PREX1: variants seen among roughly 807,000 people sequenced by gnomAD.
PREX1 encodes the protein phosphatidylinositol-3,4,5-trisphosphate dependent Rac exchange factor 1, also known as phosphatidylinositol 3,4,5-trisphosphate-dependent Rac exchanger 1 protein.
A neutral mutation model predicts 198.3 loss-of-function variants in PREX1; 41 were observed. The ratio of observed to expected loss-of-function variants is 0.21; its 90% CI spans 0.16 to 0.27. The LOEUF (loss-of-function observed/expected upper bound fraction) is 0.27. PREX1 is among the 10% of genes least tolerant of loss of function. The pLI is 1.00. For synonymous variants in PREX1, 843 were observed against 887.2 expected (o/e 0.95, Z 0.89); for missense variants, 1,620 against 2,200.7 (o/e 0.74, Z 5.28).
Position 48,669,592 on chromosome 20 carries a change from G to A in PREX1, c.1666-3237C>T, listed in dbSNP as rs181602442. Among the ~76,000 whole-genome samples the A allele has an allele frequency of 2.1e-3, 324 of 152,180 alleles. 2 individuals are homozygous for A. The highest frequency in any genetic ancestry group is 7.5e-3 in the African/African-American group (310 of 41,502). On this transcript the variant is annotated intron_variant, in intron 14 of 39. Coordinates refer to ENST00000371941, the MANE Select transcript of PREX1 (RefSeq NM_020820.4). ...AGGGATGTGATGGGAGAGGGGAGGA[G>A]GGACAGAAAGAAGGGAGAAGAGAGG... is the stretch of plus-strand genomic sequence containing the variant.
chr20:48,880,981 T>TAAAA, the PREX1 span, among the ~76,000 whole-genome samples: 5 of 20,990 alleles, frequency 2.4e-4, no homozygotes, highest in African/African-American at 2.6e-4. Context: ...AAACCATTGC[T>TAAAA]AAAAAAAAAA....
In PREX1 at chr20:48,734,534, G is replaced by A. The variant is rs376838231; in HGVS notation, c.519+12C>T. 63 of 1,611,186 alleles carry A rather than the reference G, an allele frequency of 3.9e-5. No individual in the cohort carries two copies. The African/African-American group carries it at 4.4e-4, about 11-fold the overall frequency. ...AGTGCAAGGGAGCACCAGGGCTGAC[G>A]GGTCAACTTACCAAAAGGAAGGCGC... On this transcript the variant is annotated intron_variant, in intron 4 of 39. Coordinates refer to ENST00000371941, the MANE Select transcript of PREX1 (RefSeq NM_020820.4).
intron 29 of PREX1, among the ~76,000 whole-genome samples, chr20:48,641,799 C>CAAGAAAGA (rs200336495): frequency 4.3e-5 from 5 of 116,826 alleles, no homozygotes; most frequent in Non-Finnish European, 5.4e-5. Flanking sequence ...CTCCAAAAAA[C>CAAGAAAGA]AAGAAAGAAA....
intron 1 of PREX1, among the ~76,000 whole-genome samples, chr20:48,817,026 T>A (rs1017260733): frequency 1.3e-5 from 2 of 152,176 alleles, no homozygotes; most frequent in African/African-American, 4.8e-5. Context: ...AGTTTCCTCA[T>A]CTGCAAAACT....
chr20:48,660,940 G>C (rs1247483491), intron 15 of PREX1, among the ~76,000 whole-genome samples: 1 of 152,178 alleles, frequency 6.6e-6, no homozygotes, highest in Non-Finnish European at 1.5e-5. Context: ...GTCCCCGCAG[G>C]CCAAATCTGC....
chr20:48,650,966 G>A lies in PREX1; in HGVS notation c.2745C>T (p.Pro915=). 6.2e-7 allele frequency: 1 copy of A among 1,614,216 alleles called. No homozygotes were observed. Among genetic ancestry groups the A allele is most frequent in the Non-Finnish European group, 8.5e-7 (1 of 1,180,048 alleles). ...CACAGATGTTGCGGAACTCAAAGTG[G>A]GGCATGGTCACGATGGCGCTGCTCA... is the stretch of plus-strand genomic sequence containing the variant. ...MALSSAIVTM[P]HFEFRNICDT... Residue 915 remains proline, a synonymous_variant, in exon 23 of 40, where the codon CCC becomes CCT. Coordinates refer to ENST00000371941, the MANE Select transcript of PREX1 (RefSeq NM_020820.4).
intron 15 of PREX1, among the ~76,000 whole-genome samples, chr20:48,665,752 CCTT>C (rs2089635178): frequency 6.6e-6 from 1 of 152,236 alleles, no homozygotes; most frequent in Non-Finnish European, 1.5e-5. Context: ...ACTTCGTCCT[CCTT>C]CTTGCCATCT....
At chr20:48,668,770 G>A (rs1042744105) in intron 14 of PREX1, among the ~76,000 whole-genome samples, 4 of 152,216 alleles carry the variant, frequency 2.6e-5, no homozygotes, top group Non-Finnish European at 4.4e-5. Flanking sequence ...ACCCTGCCAG[G>A]GGTGGTGGCT....
In PREX1 at chr20:48,747,938, G is replaced by T. The variant is rs562040877; in HGVS notation, c.220-58C>A. 1.1e-5 allele frequency: 16 copies of T among 1,492,882 alleles called. No individual in the cohort carries two copies. The South Asian group carries it at 1.4e-4, about 13-fold the overall frequency. 92.5% of individuals were successfully genotyped at this position (1,492,882 alleles called of 1,614,324 possible). On this transcript the variant is annotated intron_variant, in intron 1 of 39. Transcript: ENST00000371941. ...CGCGTCTCCAGCTCTCCCATGGACG[G>T]CCCTACAGAAGGCTCTCAAGTTCAA...
chr20:48,868,084 A>G, the PREX1 span, among the ~76,000 whole-genome samples: 1 of 152,180 alleles, frequency 6.6e-6, no homozygotes, highest in East Asian at 1.9e-4. Context: ...GCTACTTTTG[A>G]CAGACATGAA....
intron 20 of PREX1, among the ~76,000 whole-genome samples, chr20:48,653,091 T>C (rs1187638632): frequency 6.6e-6 from 1 of 152,144 alleles, no homozygotes; most frequent in African/African-American, 2.4e-5. Context: ...GTGCCCAACA[T>C]GCCTATGTGG....
intron 37 of PREX1, 37 bp from the exon 38 acceptor site, chr20:48,628,000 G>C (rs560447593): frequency 1.7e-5 from 20 of 1,202,788 alleles, no homozygotes; most frequent in Non-Finnish European, 2.4e-5. Flanking sequence ...GTTGGCGGTG[G>C]GGGGACAGGG....
chr20:48,820,682 T>C (rs2090480483), intron 1 of PREX1, among the ~76,000 whole-genome samples: 1 of 152,162 alleles, frequency 6.6e-6, no homozygotes, highest in South Asian at 2.1e-4. Context: ...ACCTGGAATA[T>C]CTGGAGACAT....
the PREX1 span, among the ~76,000 whole-genome samples, chr20:48,853,705 T>C: frequency 6.6e-6 from 1 of 152,164 alleles, no homozygotes; most frequent in African/African-American, 2.4e-5. Context: ...CACACTTGCA[T>C]ACACCTTTAA....
the PREX1 span, among the ~76,000 whole-genome samples, chr20:48,851,269 G>A: frequency 6.6e-6 from 1 of 152,202 alleles, no homozygotes; most frequent in African/African-American, 2.4e-5. Context: ...CACTTTGGGA[G>A]GCTGAAGCGG....
intron 1 of PREX1, among the ~76,000 whole-genome samples, chr20:48,787,768 A>C (rs1372360031): frequency 6.6e-6 from 1 of 152,246 alleles, no homozygotes; most frequent in East Asian, 1.9e-4. Flanking sequence ...CAAACTTTTA[A>C]CACAGGAACA....
At chr20:48,845,444 T>C in the PREX1 span, among the ~76,000 whole-genome samples, 18 of 152,318 alleles carry the variant, frequency 1.2e-4, no homozygotes, top group Admixed American at 9.8e-4. Context: ...TGGCTCACGC[T>C]GTAATCTCAG....
chr20:48,745,183 G>T (rs372968956), intron 2 of PREX1, 36 bp from the exon 3 acceptor site: 2 of 1,581,492 alleles, frequency 1.3e-6, no homozygotes, highest in Non-Finnish European at 1.7e-6. Flanking sequence ...ACAGCGTTAA[G>T]GCTCAGAGGG....
intron 5 of PREX1, among the ~76,000 whole-genome samples, chr20:48,724,173 G>A (rs995168774): frequency 1.3e-5 from 2 of 152,188 alleles, no homozygotes; most frequent in African/African-American, 2.4e-5. Context: ...GTTAGGGGTG[G>A]TCCTCTGGAA....
Sources: allele counts gnomAD v4.1 joint callset (sites outside exome capture counted in the v4.1 genomes callset), GRCh38; gene constraint gnomAD v4.1.1; transcripts MANE v1.5; gene names NCBI Gene and HGNC (gene_info 2026-07-23, HGNC 2026-07-21).